ERC2: variants seen among roughly 807,000 people sequenced by gnomAD.
ERC2 encodes ERC protein 2.
Under a neutral mutation model 114.8 loss-of-function variants are expected in ERC2, and 42 were observed. That is an observed-to-expected ratio of 0.37 (90% CI 0.29 to 0.47). The LOEUF (loss-of-function observed/expected upper bound fraction) is 0.47, where lower values mean the gene tolerates loss of function less well. ERC2 is among the 20% of genes least tolerant of loss of function. The pLI, the probability that ERC2 is intolerant of heterozygous loss-of-function variation, is 0.99. For missense variants in ERC2, 939 were observed against 1,150.7 expected (o/e 0.82, Z 2.66); for synonymous variants, 454 against 425.5 (o/e 1.07, Z -0.82).
intron 17 of ERC2, among the ~76,000 whole-genome samples, chr3:55,550,740 GGC>G (rs1245260684): frequency 1.3e-5 from 2 of 152,172 alleles, no homozygotes; most frequent in Non-Finnish European, 2.9e-5. Context: ...ATAGGGGCCG[GGC>G]GCAGTGGCTC....
chr3:55,915,333 G>A (rs2065031167), intron 13 of ERC2, among the ~76,000 whole-genome samples: 2 of 151,924 alleles, frequency 1.3e-5, no homozygotes, highest in South Asian at 2.1e-4. Flanking sequence ...AGACAGAAAC[G>A]GTCATTTTAG....
chr3:55,596,538 C>T (rs1260724665), intron 17 of ERC2, among the ~76,000 whole-genome samples: 1 of 152,238 alleles, frequency 6.6e-6, no homozygotes, highest in South Asian at 2.1e-4. Flanking sequence ...GTGATTATGC[C>T]ATGCACTCCA....
At chr3:56,237,433 G>C (rs190120040) in intron 3 of ERC2, among the ~76,000 whole-genome samples, 1 of 152,186 alleles carries the variant, frequency 6.6e-6, no homozygotes, top group African/African-American at 2.4e-5. Flanking sequence ...TGATCAGGGA[G>C]AAAAGCATAT....
intron 17 of ERC2, among the ~76,000 whole-genome samples, chr3:55,531,036 C>T (rs1184060306): frequency 6.6e-6 from 1 of 152,136 alleles, no homozygotes; most frequent in Non-Finnish European, 1.5e-5. Flanking sequence ...TCGATCCCTT[C>T]TCTGATTTTT....
chr3:56,033,463 G>C (rs2149634754), intron 7 of ERC2, among the ~76,000 whole-genome samples: 1 of 152,176 alleles, frequency 6.6e-6, no homozygotes, highest in East Asian at 1.9e-4. Context: ...TCAACTTGAA[G>C]AATTCCCAGT....
intron 17 of ERC2, among the ~76,000 whole-genome samples, chr3:55,624,049 A>T (rs1361307172): frequency 2.6e-5 from 4 of 152,238 alleles, no homozygotes; most frequent in African/African-American, 9.6e-5. Context: ...AAATTGGGTT[A>T]GGACTCCAAC....
At chr3:55,867,580 C>G (rs1423963140) in intron 14 of ERC2, among the ~76,000 whole-genome samples, 1 of 152,104 alleles carries the variant, frequency 6.6e-6, no homozygotes, top group Non-Finnish European at 1.5e-5. Context: ...TAACAAAATG[C>G]AATCGCATCT....
At chr3:55,638,085 C>A (rs2060028355) in intron 17 of ERC2, among the ~76,000 whole-genome samples, 1 of 152,182 alleles carries the variant, frequency 6.6e-6, no homozygotes. Context: ...TTGTCCCAAA[C>A]CAGACAGTGA....
At position 56,334,505 on chromosome 3, in the gene ERC2, T is replaced by C. The variant is rs997561177; in HGVS notation, c.658-38070A>G. Reference sequence around the variant, plus strand: ...GATTTGATTTGGTTGTCTATATTTGTAACTAAAACTATCCTTACAGATGCT... The same window carrying C: ...GATTTGATTTGGTTGTCTATATTTGCAACTAAAACTATCCTTACAGATGCT... On this transcript the variant is annotated intron_variant, in intron 2 of 17. Coordinates refer to ENST00000288221, the MANE Select transcript of ERC2 (RefSeq NM_015576.3). Among the ~76,000 whole-genome samples the C allele has an allele frequency of 1.9e-4, 29 of 152,218 alleles. 1 individual carries two copies. Among genetic ancestry groups the C allele is most frequent in the Non-Finnish European group, 5.9e-5 (4 of 68,038 alleles).
At chr3:56,359,335 G>A (rs576092474) in intron 2 of ERC2, among the ~76,000 whole-genome samples, 147 of 152,246 alleles carry the variant, frequency 9.7e-4, no homozygotes, top group African/African-American at 3.3e-3. Flanking sequence ...ATAAGATCAG[G>A]AAGAAAAGCA....
chr3:55,643,257 T>G (rs548419115), intron 17 of ERC2, among the ~76,000 whole-genome samples: 6 of 152,262 alleles, frequency 3.9e-5, no homozygotes, highest in Non-Finnish European at 8.8e-5. Context: ...AGGCTCACCT[T>G]TCCTTGAATA....
chr3:56,153,240 A>G (rs1385152740), intron 4 of ERC2, among the ~76,000 whole-genome samples: 2 of 151,994 alleles, frequency 1.3e-5, no homozygotes, highest in Non-Finnish European at 2.9e-5. Flanking sequence ...GTAGATCTCA[A>G]GAAGATCCAT....
chr3:55,603,789 C>T (rs1176103778), intron 17 of ERC2, among the ~76,000 whole-genome samples: 1 of 152,052 alleles, frequency 6.6e-6, no homozygotes, highest in African/African-American at 2.4e-5. Flanking sequence ...ATCTGAACAG[C>T]TGCTTTATAC....
intron 2 of ERC2, among the ~76,000 whole-genome samples, chr3:56,400,283 G>C (rs2060472417): frequency 6.6e-6 from 1 of 152,118 alleles, no homozygotes; most frequent in African/African-American, 2.4e-5. Flanking sequence ...GTGACCACAG[G>C]TTGATGGATT....
At chr3:56,382,749 C>T (rs73075842) in intron 2 of ERC2, among the ~76,000 whole-genome samples, 4,603 of 152,012 alleles carry the variant, frequency 0.03, 144 homozygotes, top group African/African-American at 0.071. Context: ...CTATATTATA[C>T]TCACCTTTTT....
chr3:56,223,179 C>A (rs1218631007), intron 3 of ERC2, among the ~76,000 whole-genome samples: 1 of 152,188 alleles, frequency 6.6e-6, no homozygotes, highest in African/African-American at 2.4e-5. Flanking sequence ...CTTCATGTTC[C>A]ATTTTTCAAA....
chr3:55,786,157 C>T (rs968232375), intron 14 of ERC2, among the ~76,000 whole-genome samples: 7 of 152,072 alleles, frequency 4.6e-5, no homozygotes, highest in Non-Finnish European at 4.4e-5. Flanking sequence ...TTTTCCTTTG[C>T]AAATCTGATT....
intron 3 of ERC2, among the ~76,000 whole-genome samples, chr3:56,237,174 C>T (rs564288525): frequency 3.3e-5 from 5 of 152,298 alleles, no homozygotes; most frequent in African/African-American, 1.2e-4. Flanking sequence ...CTGCCTGTGC[C>T]TAAGGCTGCA....
intron 17 of ERC2, among the ~76,000 whole-genome samples, chr3:55,650,283 G>C (rs557918654): frequency 6.6e-6 from 1 of 152,108 alleles, no homozygotes; most frequent in Non-Finnish European, 1.5e-5. Context: ...AGTTCTCCTA[G>C]AACATTCAGT....
Sources: allele counts gnomAD v4.1 joint callset (sites outside exome capture counted in the v4.1 genomes callset), GRCh38; gene constraint gnomAD v4.1.1; transcripts MANE v1.5; gene names NCBI Gene and HGNC (gene_info 2026-07-23, HGNC 2026-07-21).